CDH9: variants seen among roughly 807,000 people sequenced by gnomAD.
The protein encoded by CDH9 is cadherin 9.
Under a neutral mutation model 70.9 loss-of-function variants are expected in CDH9, and 28 were observed. The ratio of observed to expected loss-of-function variants is 0.40; its 90% CI spans 0.29 to 0.54. CDH9 has a LOEUF of 0.54. Ranked by LOEUF, CDH9 falls within the 20% of genes least tolerant of loss-of-function variation. The pLI is 0.59. For missense variants in CDH9, 874 were observed against 984.4 expected, an observed-to-expected ratio of 0.89 and a Z score of 1.50; for synonymous variants, 409 against 343.1, an observed-to-expected ratio of 1.19 and a Z score of -2.12.
At chr5:26,898,518 A>G (rs528113858) in intron 7 of CDH9, among the ~76,000 whole-genome samples, 9 of 152,188 alleles carry the variant, frequency 5.9e-5, no homozygotes, top group Admixed American at 3.9e-4. Flanking sequence ...ATAATGCCAC[A>G]TATCTACAGC....
At position 26,971,780 on chromosome 5, in the gene CDH9, CA is replaced by C. The variant is rs67252934; in HGVS notation, c.228+16325del. Among the ~76,000 whole-genome samples, 14 of 152,194 alleles carry C rather than the reference CA, an allele frequency of 9.2e-5. 1 individual carries two copies. Among genetic ancestry groups the C allele is most frequent in the African/African-American group, 3.4e-4 (14 of 41,524 alleles). ...GTGCATTAAAATACACACACACACA[CA>C]CCCATATGTGATAAGAAAATATAAA... is the stretch of plus-strand genomic sequence containing the variant. On this transcript the variant is annotated intron_variant, in intron 2 of 11. Transcript: ENST00000231021.
intron 2 of CDH9, among the ~76,000 whole-genome samples, chr5:26,970,399 T>C (rs964674478): frequency 2.6e-5 from 4 of 152,054 alleles, no homozygotes; most frequent in African/African-American, 7.2e-5. Context: ...ATTAGGTTTA[T>C]CTATAGTTTT....
intron 3 of CDH9, among the ~76,000 whole-genome samples, chr5:26,914,598 G>C (rs1042084695): frequency 6.6e-6 from 1 of 151,982 alleles, no homozygotes; most frequent in East Asian, 1.9e-4. Flanking sequence ...CATTTCATTT[G>C]AGGTGAGAAT....
At chr5:26,986,304 C>T (rs1006375694) in intron 2 of CDH9, among the ~76,000 whole-genome samples, 10 of 151,636 alleles carry the variant, frequency 6.6e-5, no homozygotes, top group Admixed American at 1.3e-4. Context: ...AACTTGTCCA[C>T]GCATAAATCC....
chr5:26,946,421 C>T lies in CDH9; in HGVS notation c.229-30497G>A, dbSNP rs564014039. On this transcript the variant is annotated intron_variant, in intron 2 of 11. Coordinates refer to ENST00000231021, the MANE Select transcript of CDH9 (RefSeq NM_016279.4). ...GCTATTGGGCAGGATTGTATTGAAA[C>T]CCACTAATTATCATAACTAACGTAC... 1.9e-3 allele frequency among the ~76,000 whole-genome samples: 290 copies of T among 151,862 alleles called. 1 individual carries two copies. Among genetic ancestry groups the T allele is most frequent in the African/African-American group, 6.8e-3 (282 of 41,282 alleles).
At chr5:26,966,843 T>C (rs1467282249) in intron 2 of CDH9, among the ~76,000 whole-genome samples, 1 of 152,196 alleles carries the variant, frequency 6.6e-6, no homozygotes, top group Non-Finnish European at 1.5e-5. Flanking sequence ...TCCTCAGTGG[T>C]CAGTCTATCT....
At chr5:26,995,202 T>C (rs981515224) in intron 1 of CDH9, among the ~76,000 whole-genome samples, 5 of 152,214 alleles carry the variant, frequency 3.3e-5, no homozygotes, top group Non-Finnish European at 7.3e-5. Flanking sequence ...TCTGCAAAAA[T>C]TAATTGGTTA....
chr5:26,912,448 C>T (rs1298011107), intron 3 of CDH9, among the ~76,000 whole-genome samples: 1 of 151,024 alleles, frequency 6.6e-6, no homozygotes, highest in Non-Finnish European at 1.5e-5. Context: ...AATATATCTA[C>T]TTTTTATTTA....
At chr5:26,974,924 A>C (rs890370034) in intron 2 of CDH9, among the ~76,000 whole-genome samples, 1 of 152,104 alleles carries the variant, frequency 6.6e-6, no homozygotes, top group Admixed American at 6.6e-5. Context: ...TGTACATTTG[A>C]TCTCTAGAAT....
intron 9 of CDH9, among the ~76,000 whole-genome samples, chr5:26,887,602 G>A (rs1467349659): frequency 6.6e-6 from 1 of 151,824 alleles, no homozygotes; most frequent in Non-Finnish European, 1.5e-5. Context: ...TGTGATTGTA[G>A]GTTGACTTGT....
chr5:26,909,161 A>G (rs951179073), intron 3 of CDH9, among the ~76,000 whole-genome samples: 2 of 151,624 alleles, frequency 1.3e-5, no homozygotes, highest in African/African-American at 4.8e-5. Context: ...TCTTTTTTGT[A>G]TTTTTAGTAG....
At chr5:27,001,849 C>G (rs1252986228) in intron 1 of CDH9, among the ~76,000 whole-genome samples, 1 of 74,506 alleles carries the variant, frequency 1.3e-5, no homozygotes, top group Non-Finnish European at 3.9e-5. Flanking sequence ...CACACACTCT[C>G]TCTCTCTCTC....
chr5:26,881,132 C>T lies in CDH9; in HGVS notation c.*4G>A, dbSNP rs760051569. 6.3e-7 allele frequency: 1 copy of T among 1,590,552 alleles called. No homozygotes were observed. Reference sequence around the variant, plus strand: ...ACTAATATTGATTAAGTCAAACAATCCTCTTAGTCTCGGTCACTATCATCA... The same window carrying T: ...ACTAATATTGATTAAGTCAAACAATTCTCTTAGTCTCGGTCACTATCATCA... On this transcript the variant is annotated 3_prime_UTR_variant, in exon 12 of 12. Coordinates refer to ENST00000231021, the MANE Select transcript of CDH9 (RefSeq NM_016279.4).
At chr5:26,913,989 A>G (rs777149936) in intron 3 of CDH9, among the ~76,000 whole-genome samples, 2 of 152,024 alleles carry the variant, frequency 1.3e-5, no homozygotes, top group Non-Finnish European at 2.9e-5. Context: ...TTAAATATCA[A>G]TAGTCTCTGA....
At chr5:26,991,057 T>G (rs10036212) in intron 1 of CDH9, among the ~76,000 whole-genome samples, 79,449 of 152,032 alleles carry the variant, frequency 0.52, 22,257 homozygotes, top group African/African-American at 0.69. Flanking sequence ...ATTTTAACAT[T>G]ATATGTTTAG....
chr5:26,889,804 T>C (rs775283882), intron 9 of CDH9, 32 bp downstream of exon 9: 71 of 1,383,084 alleles, frequency 5.1e-5, no homozygotes, highest in Middle Eastern at 3.7e-4. Flanking sequence ...AGAGAAAATA[T>C]ATTCTTTTAA....
intron 9 of CDH9, among the ~76,000 whole-genome samples, chr5:26,888,500 A>G (rs1482044692): frequency 6.6e-6 from 1 of 152,112 alleles, no homozygotes; most frequent in Non-Finnish European, 1.5e-5. Flanking sequence ...CAAAAAAATC[A>G]TTTACTAAAC....
At chr5:26,945,407 T>A (rs1034480194) in intron 2 of CDH9, among the ~76,000 whole-genome samples, 18 of 152,272 alleles carry the variant, frequency 1.2e-4, no homozygotes, top group Non-Finnish European at 2.2e-4. Context: ...AATCTTCATT[T>A]AAATAAATAA....
intron 2 of CDH9, among the ~76,000 whole-genome samples, chr5:26,965,738 G>C (rs568032845): frequency 1.3e-5 from 2 of 152,018 alleles, no homozygotes; most frequent in South Asian, 4.2e-4. Context: ...AAGAAATGAA[G>C]AACACAGAGT....
Sources: allele counts gnomAD v4.1 joint callset (sites outside exome capture counted in the v4.1 genomes callset), GRCh38; gene constraint gnomAD v4.1.1; transcripts MANE v1.5; gene names NCBI Gene and HGNC (gene_info 2026-07-23, HGNC 2026-07-21).